Variants in ACVR2B observed in about 807,000 individuals in gnomAD.
The protein encoded by ACVR2B is activin A receptor type 2B, also known as activin receptor type-2B.
Under a neutral mutation model 65.1 loss-of-function variants are expected in ACVR2B, and 18 were observed. The ratio of observed to expected loss-of-function variants is 0.28; its 90% CI spans 0.19 to 0.41. The LOEUF is 0.41. Among genes scored for constraint, ACVR2B ranks in the 10% least tolerant of loss-of-function variants. The pLI, the probability that ACVR2B is intolerant of heterozygous loss-of-function variation, is 1.00. For synonymous variants in ACVR2B, 298 were observed against 277.7 expected, an observed-to-expected ratio of 1.07 and a Z score of -0.73; for missense variants, 482 against 682.7, an observed-to-expected ratio of 0.71 and a Z score of 3.28.
intron 1 of ACVR2B, among the ~76,000 whole-genome samples, chr3:38,472,910 C>T (rs912786117): frequency 1.2e-4 from 18 of 152,192 alleles, no homozygotes; most frequent in African/African-American, 3.6e-4. Context: ...ATAGGAGAAA[C>T]GAACCTCCCA....
chr3:38,460,286 G>A (rs1017329662), intron 1 of ACVR2B, among the ~76,000 whole-genome samples: 3 of 152,072 alleles, frequency 2.0e-5, no homozygotes, highest in Non-Finnish European at 4.4e-5. Context: ...CCAGACTTAC[G>A]GGTCCATCCC....
Position 38,464,316 on chromosome 3 carries a change from T to C in ACVR2B, c.52+9942T>C, listed in dbSNP as rs189470810. Among the ~76,000 whole-genome samples, 192 of 152,392 alleles carry C rather than the reference T, an allele frequency of 1.3e-3. 5 individuals are homozygous for C. The South Asian group carries it at 0.037, about 30-fold the overall frequency. ...ACAATCTTGTCTACACTGGTGGGCT[T>C]AATTTCCGTGTATGTGTGCAGGTTC... On this transcript the variant is annotated intron_variant, in intron 1 of 10. Transcript: ENST00000352511.
rs1710036365 is a variant in ACVR2B at position 38,482,526 on chromosome 3, G to A, written c.1310G>A (p.Arg437Lys). The A allele has an allele frequency of 6.2e-7, 1 of 1,611,610 alleles. No homozygotes were observed. Among genetic ancestry groups the A allele is most frequent in the Non-Finnish European group, 8.5e-7 (1 of 1,179,740 alleles). ...LQEVVVHKKM[R>K]PTIKDHWLKH... ...GAGGTGGTGGTGCACAAGAAGATGA[G>A]GCCCACCATTAAAGATCACTGGTTG... The change falls in exon 10 of 11, where the codon AGG becomes AAG. Residue 437 changes from arginine (R) to lysine (K), a missense_variant. This residue lies in a region of ACVR2B where 223 missense variants were observed against 386.3 expected (regional missense o/e 0.58). Transcript: ENST00000352511.
At chr3:38,462,291 A>AG (rs1491125509) in intron 1 of ACVR2B, among the ~76,000 whole-genome samples, 1 of 152,254 alleles carries the variant, frequency 6.6e-6, no homozygotes, top group African/African-American at 2.4e-5. Flanking sequence ...AGTATAAAAC[A>AG]TATACAGAAG....
intron 1 of ACVR2B, among the ~76,000 whole-genome samples, chr3:38,458,278 T>C (rs1709583449): frequency 6.6e-6 from 1 of 152,156 alleles, no homozygotes; most frequent in Admixed American, 6.5e-5. Flanking sequence ...ACAGTGGTCC[T>C]CCATGTCATA....
At position 38,487,709 on chromosome 3, in the gene ACVR2B, C is replaced by A. The variant is rs1406285146; in HGVS notation, c.*4377C>A. On this transcript the variant is annotated 3_prime_UTR_variant, in exon 11 of 11. Coordinates refer to ENST00000352511, the MANE Select transcript of ACVR2B (RefSeq NM_001106.4). ...TTTTTTAGTATGCAGTATAAAGTTT[C>A]CAGCATCTATTGGTAACACAAAGAT... 1.3e-5 allele frequency: 2 copies of A among 152,140 alleles called. No homozygotes were observed. The highest frequency in any genetic ancestry group is 1.5e-5 in the Non-Finnish European group (1 of 68,028). The allele number at this position is 152,140 out of a possible 1,614,324, so 9.4% of individuals were successfully genotyped here. A position where few individuals can be genotyped will look rare whatever the true frequency, so the allele number is the denominator to read the frequency against.
In ACVR2B at chr3:38,479,678, G is replaced by A; in HGVS notation, c.811G>A (p.Gly271Ser). The change falls in exon 7 of 11, where the codon GGC becomes AGC. Residue 271 changes from glycine (G) to serine (S), a missense_variant and splice_region_variant. Physicochemically the swap from Gly to Ser is moderately conservative, Grantham distance 56 (BLOSUM62 0). Around this residue, in one of 5 missense-constraint regions of ACVR2B, gnomAD observed 223 missense variants for 386.3 expected, o/e 0.58. Transcript: ENST00000352511. ...LWLITAFHDK[G>S]SLTDYLKGNI... ...CAAGTTCTGTGCTGTCTTCTCTCAGGGCTCCCTCACGGATTACCTCAAGGG... is the reference window on the plus strand; with the variant it reads ...CAAGTTCTGTGCTGTCTTCTCTCAGAGCTCCCTCACGGATTACCTCAAGGG... 1 of 1,614,128 alleles carries A rather than the reference G, an allele frequency of 6.2e-7. No homozygotes were observed. Among genetic ancestry groups the A allele is most frequent in the Non-Finnish European group, 8.5e-7 (1 of 1,180,028 alleles).
intron 1 of ACVR2B, among the ~76,000 whole-genome samples, chr3:38,463,213 A>G (rs745595517): frequency 1.3e-5 from 2 of 152,124 alleles, no homozygotes; most frequent in African/African-American, 4.8e-5. Context: ...GTGCATATGT[A>G]TGTTCACTTA....
At chr3:38,469,929 A>G (rs922308068) in intron 1 of ACVR2B, among the ~76,000 whole-genome samples, 3 of 152,222 alleles carry the variant, frequency 2.0e-5, no homozygotes, top group African/African-American at 7.2e-5. Flanking sequence ...TTTTAATAGA[A>G]CTTCTAGAAA....
At chr3:38,462,953 A>G (rs1350959063) in intron 1 of ACVR2B, among the ~76,000 whole-genome samples, 1 of 152,152 alleles carries the variant, frequency 6.6e-6, no homozygotes, top group Admixed American at 6.5e-5. Flanking sequence ...ATCTGTGAAC[A>G]TCCTTCCTAC....
intron 1 of ACVR2B, chr3:38,476,616 C>T (rs2125721727): frequency 6.4e-6 from 1 of 156,624 alleles, no homozygotes; most frequent in African/African-American, 2.4e-5. Flanking sequence ...CATGGTCTCC[C>T]TGGGGAACTG....
chr3:38,465,527 G>T (rs1030921240), intron 1 of ACVR2B, among the ~76,000 whole-genome samples: 1 of 151,938 alleles, frequency 6.6e-6, no homozygotes, highest in African/African-American at 2.4e-5. Flanking sequence ...CGTAATAACA[G>T]AAATTAATAA....
intron 5 of ACVR2B, 96 bp downstream of exon 5, chr3:38,478,614 A>G (rs1324082890): frequency 3.9e-6 from 6 of 1,537,542 alleles, no homozygotes; most frequent in African/African-American, 1.4e-5. Flanking sequence ...CCCAAATAAT[A>G]TTGTGGTATG....
At position 38,482,266 on chromosome 3, in the gene ACVR2B, C is replaced by T. The variant is rs1710030037; in HGVS notation, c.1143C>T (p.Phe381=). The T allele has an allele frequency of 1.2e-6, 2 of 1,613,134 alleles. No individual in the cohort carries two copies. Among genetic ancestry groups the T allele is most frequent in the East Asian group, 2.2e-5 (1 of 44,872 alleles). The change falls in exon 9 of 11, where the codon TTC becomes TTT. Residue 381 remains phenylalanine, a synonymous_variant. Transcript: ENST00000352511. ...CCATCAACTTCCAGAGAGATGCCTTCCTGCGCATTGACATGTATGCCATGG... is the reference window on the plus strand; with the variant it reads ...CCATCAACTTCCAGAGAGATGCCTTTCTGCGCATTGACATGTATGCCATGG... ...EGAINFQRDA[F]LRIDMYAMGL... is the part of the protein sequence containing the mutation.
rs956308825 is a variant in ACVR2B, at chr3:38,477,510, C to T, written c.260+16C>T. The T allele has an allele frequency of 6.2e-7, 1 of 1,611,864 alleles. No individual in the cohort carries two copies. The highest frequency in any genetic ancestry group is 8.5e-7 in the Non-Finnish European group (1 of 1,178,984). On this transcript the variant is annotated intron_variant, in intron 2 of 10. Transcript: ENST00000352511. This position sits in a 1 kb window ranked among gnomAD's most constrained non-coding sequence, Gnocchi z 6.7. The stretch of plus-strand genomic sequence containing the variant: ...GCTACGATAGGTACCCCAAGACTTG[C>T]CCTCCTTTCCTCTTGGACCCACCTG...
intron 1 of ACVR2B, among the ~76,000 whole-genome samples, chr3:38,473,197 C>T (rs1173617528): frequency 6.6e-6 from 1 of 152,178 alleles, no homozygotes; most frequent in Non-Finnish European, 1.5e-5. Context: ...TTTCAGCTTC[C>T]TTTGGAGGCC....
rs1366553889 is a variant in ACVR2B, at chr3:38,489,952, A to C, written c.*6620A>C. 1 of 152,162 alleles carries C rather than the reference A, an allele frequency of 6.6e-6. No homozygotes were observed. The highest frequency in any genetic ancestry group is 2.4e-5 in the African/African-American group (1 of 41,438). The allele number at this position is 152,162 out of a possible 1,614,324, so 9.4% of individuals were successfully genotyped here. On this transcript the variant is annotated 3_prime_UTR_variant, in exon 11 of 11. Transcript: ENST00000352511. ...CACATTTTGTCCTCTCTGGTCAGTG[A>C]GAATGGTTGGGTTGGCTCGCTGCTT... is the stretch of plus-strand genomic sequence containing the variant.
intron 7 of ACVR2B, among the ~76,000 whole-genome samples, chr3:38,480,835 C>G (rs183134008): frequency 2.2e-4 from 34 of 152,332 alleles, no homozygotes; most frequent in Non-Finnish European, 2.1e-4. Flanking sequence ...CTGAGTACCA[C>G]AAGTAGCTTT....
chr3:38,458,381 C>T (rs147610762), intron 1 of ACVR2B, among the ~76,000 whole-genome samples: 108 of 152,296 alleles, frequency 7.1e-4, no homozygotes, highest in African/African-American at 2.5e-3. Context: ...ATTGTATGCA[C>T]CCACTCTGTT....
Sources: gnomAD v4.1 joint callset for allele counts (sites outside exome capture counted in the v4.1 genomes callset) on GRCh38, gnomAD v4.1.1 for gene constraint, gnomAD v4.1.1 regional missense constraint, Gnocchi (gnomAD v3.1) non-coding constraint, MANE v1.5 for transcripts, NCBI Gene and HGNC (gene_info 2026-07-23, HGNC 2026-07-21) for gene names.